The following GPR137C variants were observed in gnomAD, a reference collection of about 807,000 sequenced individuals.
GPR137C encodes the protein integral membrane protein GPR137C.
In GPR137C, 27 loss-of-function variants were observed where a neutral mutation model predicts 43.4. The observed-to-expected ratio is 0.62, with a 90% CI of 0.46 to 0.86. The LOEUF (loss-of-function observed/expected upper bound fraction) is 0.86, where lower values mean the gene tolerates loss of function less well. Among genes scored for constraint, GPR137C ranks in the 40% least tolerant of loss-of-function variants. GPR137C has a pLI of 0.00. For synonymous variants in GPR137C, 285 were observed against 226.9 expected, an observed-to-expected ratio of 1.26 and a Z score of -2.30; for missense variants, 522 against 534.6, an observed-to-expected ratio of 0.98 and a Z score of 0.23.
chr14:52,595,213 G>A (rs186028028), intron 1 of GPR137C, among the ~76,000 whole-genome samples: 19 of 152,218 alleles, frequency 1.2e-4, no homozygotes, highest in Admixed American at 4.6e-4. Context: ...GCTTCCCTTC[G>A]TGGGTAACCC....
At chr14:52,585,283 A>T (rs1172601016) in intron 1 of GPR137C, among the ~76,000 whole-genome samples, 2 of 152,026 alleles carry the variant, frequency 1.3e-5, no homozygotes, top group African/African-American at 4.8e-5. Context: ...TTCTCTCTTG[A>T]CTCAAAAGTG....
chr14:52,559,355 C>G (rs2038244067), intron 1 of GPR137C, among the ~76,000 whole-genome samples: 1 of 152,072 alleles, frequency 6.6e-6, no homozygotes, highest in South Asian at 2.1e-4. Flanking sequence ...GCACTCTAGC[C>G]TGGCGACAGA....
At chr14:52,574,760 G>A (rs891662100) in intron 1 of GPR137C, among the ~76,000 whole-genome samples, 1 of 152,092 alleles carries the variant, frequency 6.6e-6, no homozygotes, top group East Asian at 1.9e-4. Flanking sequence ...TCTTTCTTCC[G>A]TGGGATATTC....
Position 52,586,813 on chromosome 14 carries a change from C to T in GPR137C, c.445-11459C>T, listed in dbSNP as rs79520407. Among the ~76,000 whole-genome samples, 955 of 152,212 alleles carry T rather than the reference C, an allele frequency of 6.3e-3. 11 individuals carry two copies. Among genetic ancestry groups the T allele is most frequent in the African/African-American group, 0.02 (846 of 41,550 alleles). ...TATAACAATACATTTCGTGACCTGGCTTTTAAGTTTTTTGTCAGTGGTGCC... is the reference window on the plus strand; with the variant it reads ...TATAACAATACATTTCGTGACCTGGTTTTTAAGTTTTTTGTCAGTGGTGCC... On this transcript the variant is annotated intron_variant, in intron 1 of 6. Transcript: ENST00000321662.
intron 1 of GPR137C, among the ~76,000 whole-genome samples, chr14:52,586,994 T>C (rs2038721852): frequency 1.3e-5 from 2 of 152,146 alleles, no homozygotes; most frequent in Non-Finnish European, 2.9e-5. Flanking sequence ...ATTACAGAGT[T>C]TATAGCCAGC....
chr14:52,591,437 A>G (rs962939376), intron 1 of GPR137C, among the ~76,000 whole-genome samples: 2 of 151,854 alleles, frequency 1.3e-5, no homozygotes. Context: ...ACTAATTTAC[A>G]CTCCCAACAG....
intron 1 of GPR137C, among the ~76,000 whole-genome samples, chr14:52,567,320 G>A (rs2038386374): frequency 6.6e-6 from 1 of 151,986 alleles, no homozygotes; most frequent in South Asian, 2.1e-4. Context: ...TCAAATGGTA[G>A]CTATTATTAT....
intron 1 of GPR137C, among the ~76,000 whole-genome samples, chr14:52,577,334 A>C (rs2038572730): frequency 6.6e-6 from 1 of 152,088 alleles, no homozygotes; most frequent in Non-Finnish European, 1.5e-5. Context: ...GGGATACAGC[A>C]AAAGCAGGCT....
At chr14:52,594,368 C>T (rs1257555907) in intron 1 of GPR137C, among the ~76,000 whole-genome samples, 1 of 152,158 alleles carries the variant, frequency 6.6e-6, no homozygotes, top group Non-Finnish European at 1.5e-5. Context: ...AATTCAAGTC[C>T]TGGATATCCT....
intron 1 of GPR137C, among the ~76,000 whole-genome samples, chr14:52,594,734 T>C (rs141644478): frequency 6.6e-6 from 1 of 152,232 alleles, no homozygotes. Context: ...ATGGGTCTCC[T>C]GAATGCAGCA....
chr14:52,613,898 GCT>G (rs1374116133), intron 3 of GPR137C, among the ~76,000 whole-genome samples: 1 of 152,118 alleles, frequency 6.6e-6, no homozygotes, highest in Non-Finnish European at 1.5e-5. Context: ...TTGTATGGTA[GCT>G]CTGTTTTTAG....
At chr14:52,575,054 T>C (rs1296587776) in intron 1 of GPR137C, among the ~76,000 whole-genome samples, 1 of 152,182 alleles carries the variant, frequency 6.6e-6, no homozygotes, top group Non-Finnish European at 1.5e-5. Flanking sequence ...CAGGAATAAA[T>C]TCAATATATT....
chr14:52,630,446 C>CTT (rs201784833), intron 3 of GPR137C, among the ~76,000 whole-genome samples: 2,220 of 149,826 alleles, frequency 0.015, 47 homozygotes, highest in African/African-American at 0.04. Context: ...TTTAGATTAA[C>CTT]TTTTATTAAC....
chr14:52,633,544 C>CATG lies in GPR137C; in HGVS notation c.884_885insGAT (p.Asp294_Ile295insMet). Reference sequence around the variant, plus strand: ...TCTATTTACAGGCTCATGTAGAAGACATAAGTGGAGAAGAGTATATAGTAT... The same window carrying CATG: ...TCTATTTACAGGCTCATGTAGAAGACATGATAAGTGGAGAAGAGTATATAGTAT... On this transcript the variant is annotated inframe_insertion, in exon 5 of 7. Coordinates refer to ENST00000321662, the MANE Select transcript of GPR137C (RefSeq NM_001099652.2). 6.2e-7 allele frequency: 1 copy of CATG among 1,611,920 alleles called. No individual in the cohort carries two copies. The highest frequency in any genetic ancestry group is 8.5e-7 in the Non-Finnish European group (1 of 1,178,408).
chr14:52,604,314 C>T (rs2038959790), intron 3 of GPR137C, among the ~76,000 whole-genome samples: 1 of 152,126 alleles, frequency 6.6e-6, no homozygotes, highest in African/African-American at 2.4e-5. Flanking sequence ...CTTTTGAGGC[C>T]TTACCCAAAA....
intron 1 of GPR137C, among the ~76,000 whole-genome samples, chr14:52,567,985 ACTAC>A (rs2038399527): frequency 6.6e-6 from 1 of 152,052 alleles, no homozygotes; most frequent in South Asian, 2.1e-4. Context: ...ATCCAGATTA[ACTAC>A]CTGGTGGCTG....
At chr14:52,590,721 G>A (rs1381051770) in intron 1 of GPR137C, among the ~76,000 whole-genome samples, 1 of 152,162 alleles carries the variant, frequency 6.6e-6, no homozygotes, top group Admixed American at 6.5e-5. Flanking sequence ...TAGCCTAGGA[G>A]CATAGGCTAT....
chr14:52,596,965 A>G (rs1240593024), intron 1 of GPR137C: 4 of 454,480 alleles, frequency 8.8e-6, no homozygotes, highest in Non-Finnish European at 1.8e-5. Flanking sequence ...GAAGGAACCC[A>G]TCTTATATCT....
intron 1 of GPR137C, among the ~76,000 whole-genome samples, chr14:52,575,306 G>T (rs946850592): frequency 2.0e-5 from 3 of 152,154 alleles, no homozygotes; most frequent in African/African-American, 7.2e-5. Flanking sequence ...GAGGTTGGAG[G>T]ATCGCTTGAG....
Sources: gnomAD v4.1 joint callset for allele counts (sites outside exome capture counted in the v4.1 genomes callset) on GRCh38, gnomAD v4.1.1 for gene constraint, MANE v1.5 for transcripts, NCBI Gene and HGNC (gene_info 2026-07-23, HGNC 2026-07-21) for gene names.